Variants in TARP observed in about 807,000 individuals in gnomAD.
the TARP span, among the ~76,000 whole-genome samples, chr7:38,272,277 C>T: frequency 6.7e-6 from 1 of 150,278 alleles, no homozygotes; most frequent in East Asian, 1.9e-4. Flanking sequence ...TTTCTATCAC[C>T]TACCAAGTGC....
chr7:38,264,686 G>A, the TARP span, among the ~76,000 whole-genome samples: 1 of 151,498 alleles, frequency 6.6e-6, no homozygotes, highest in Non-Finnish European at 1.5e-5. Flanking sequence ...CACTGCCTTG[G>A]AACTTACTAT....
the TARP span, among the ~76,000 whole-genome samples, chr7:38,269,278 T>C: frequency 6.6e-6 from 1 of 151,890 alleles, no homozygotes; most frequent in Non-Finnish European, 1.5e-5. Context: ...GAAGTCCGTA[T>C]ATGCACAAAG....
chr7:38,267,563 C>A, the TARP span, among the ~76,000 whole-genome samples: 1 of 150,396 alleles, frequency 6.6e-6, no homozygotes, highest in Non-Finnish European at 1.5e-5. Flanking sequence ...AATTAGTAAA[C>A]ATATACAGAA....
chr7:38,270,440 G>A, the TARP span, among the ~76,000 whole-genome samples: 3,408 of 151,232 alleles, frequency 0.023, 109 homozygotes, highest in Middle Eastern at 0.099. Flanking sequence ...AAAGTCAAAG[G>A]GAACATTGGC....
the TARP span, among the ~76,000 whole-genome samples, chr7:38,261,958 TA>T: frequency 6.6e-6 from 1 of 151,010 alleles, no homozygotes; most frequent in African/African-American, 2.4e-5. Flanking sequence ...CATATCACTA[TA>T]CCACTGTACC....
the TARP span, chr7:38,265,455 T>A: frequency 1.2e-6 from 2 of 1,611,778 alleles, no homozygotes; most frequent in Non-Finnish European, 1.7e-6. Context: ...CTGGCACCGT[T>A]AACCAGCTAA....
the TARP span, among the ~76,000 whole-genome samples, chr7:38,268,425 AT>A: frequency 6.6e-6 from 1 of 151,474 alleles, no homozygotes; most frequent in South Asian, 2.1e-4. Context: ...TTATTTTTTC[AT>A]TAGCTAAATA....
At chr7:38,268,046 T>A in the TARP span, among the ~76,000 whole-genome samples, 1 of 151,454 alleles carries the variant, frequency 6.6e-6, no homozygotes, top group Non-Finnish European at 1.5e-5. Context: ...TTAAATAGCA[T>A]ACTTGATTAC....
At chr7:38,261,916 G>C in the TARP span, among the ~76,000 whole-genome samples, 1 of 149,170 alleles carries the variant, frequency 6.7e-6, no homozygotes, top group East Asian at 2.0e-4. Context: ...ACACATGAAT[G>C]AATAAAATCT....
At chr7:38,266,735 T>C in the TARP span, among the ~76,000 whole-genome samples, 2 of 151,870 alleles carry the variant, frequency 1.3e-5, no homozygotes, top group Non-Finnish European at 2.9e-5. Context: ...CTAGTTAATA[T>C]CTAACTTTAT....
At chr7:38,271,143 CT>C in the TARP span, among the ~76,000 whole-genome samples, 4 of 151,016 alleles carry the variant, frequency 2.6e-5, no homozygotes, top group African/African-American at 9.8e-5. Flanking sequence ...TAATTTAGGT[CT>C]TCTCAAATAG....
chr7:38,265,258 T>G, the TARP span: 1 of 951,906 alleles, frequency 1.1e-6, no homozygotes. Context: ...TAAGAAAGAT[T>G]TATGTTTGTT....
At chr7:38,265,385 C>T in the TARP span, 365 of 1,609,598 alleles carry the variant, frequency 2.3e-4, 3 homozygotes, top group South Asian at 1.2e-3. Context: ...TCTTGATCAA[C>T]TCCGTTTTTA....
chr7:38,264,230 T>C, the TARP span, among the ~76,000 whole-genome samples: 161 of 152,048 alleles, frequency 1.1e-3, no homozygotes, highest in African/African-American at 3.8e-3. Flanking sequence ...GCATTAGAAA[T>C]CTACTGTAGA....
the TARP span, among the ~76,000 whole-genome samples, chr7:38,267,667 T>G: frequency 7.9e-5 from 12 of 151,070 alleles, 1 homozygote; most frequent in South Asian, 2.5e-3. Flanking sequence ...AGTATTTTAC[T>G]TGTTATACTT....
At chr7:38,263,896 T>C in the TARP span, among the ~76,000 whole-genome samples, 6 of 152,106 alleles carry the variant, frequency 3.9e-5, no homozygotes, top group East Asian at 1.2e-3. Flanking sequence ...AGTCTGCATG[T>C]CCAAATATCT....
At chr7:38,264,369 T>C in the TARP span, among the ~76,000 whole-genome samples, 1 of 151,544 alleles carries the variant, frequency 6.6e-6, no homozygotes, top group East Asian at 1.9e-4. Context: ...GGTGGATGGA[T>C]CACTTGAGGT....
chr7:38,265,281 T>C, the TARP span: 1 of 1,223,910 alleles, frequency 8.2e-7, no homozygotes, highest in African/African-American at 1.6e-5. Flanking sequence ...TCATTAATAC[T>C]GAAAGGAAAA....
the TARP span, among the ~76,000 whole-genome samples, chr7:38,266,885 T>C: frequency 9.2e-5 from 14 of 152,012 alleles, no homozygotes; most frequent in Non-Finnish European, 1.3e-4. Context: ...AAATTTTTTC[T>C]TGATTATTTT....
Sources: allele counts gnomAD v4.1 joint callset (sites outside exome capture counted in the v4.1 genomes callset), GRCh38; gene constraint gnomAD v4.1.1; transcripts MANE v1.5.